ADGRV1: variants seen among roughly 807,000 people sequenced by gnomAD.
ADGRV1 encodes G-protein coupled receptor 98.
In ADGRV1, 359 loss-of-function variants were observed where a neutral mutation model predicts 596.2. That is an observed-to-expected ratio of 0.60 (90% CI 0.55 to 0.66). The LOEUF (loss-of-function observed/expected upper bound fraction) is 0.66. Among genes scored for constraint, ADGRV1 ranks in the 30% least tolerant of loss-of-function variants. ADGRV1 has a pLI of 0.00. For missense variants in ADGRV1, 7,274 were observed against 7,575.6 expected, an observed-to-expected ratio of 0.96 and a Z score of 1.48; for synonymous variants, 2,681 against 2,679.2, an observed-to-expected ratio of 1.00 and a Z score of -0.02.
chr5:90,592,748 C>G (rs542923031), intron 1 of ADGRV1, among the ~76,000 whole-genome samples: 1 of 152,172 alleles, frequency 6.6e-6, no homozygotes, highest in Non-Finnish European at 1.5e-5. Flanking sequence ...AACAAATTCA[C>G]AAGGAAAAAA....
intron 86 of ADGRV1, among the ~76,000 whole-genome samples, chr5:91,080,110 A>C (rs1789211770): frequency 6.6e-6 from 1 of 152,184 alleles, no homozygotes; most frequent in Admixed American, 6.5e-5. Flanking sequence ...ATTTTGTAAC[A>C]TACATAGAAT....
rs765198794 is a variant in ADGRV1, at chr5:91,163,829, G to A, written c.18850G>A (p.Glu6284Lys). 1.2e-6 allele frequency: 2 copies of A among 1,606,726 alleles called. No homozygotes were observed. The highest frequency in any genetic ancestry group is 1.7e-6 in the Non-Finnish European group (2 of 1,175,168). ...SDNESGQGSQ[E>K]GGTLTDSQIV... ...TAATGAATCTGGTCAAGGCAGCCAG[G>A]AGGGGGGCACCTTGACTGACTCCCA... Residue 6284 changes from glutamate to lysine, a missense_variant, in exon 90 of 90, where the codon GAG becomes AAG. Transcript: ENST00000405460.
At chr5:90,963,657 T>C (rs539525429) in intron 83 of ADGRV1, among the ~76,000 whole-genome samples, 1 of 152,064 alleles carries the variant, frequency 6.6e-6, no homozygotes, top group African/African-American at 2.4e-5. Flanking sequence ...AAAATTGTTC[T>C]GGAGTCTTGG....
chr5:90,820,191 G>A (rs1382965104), intron 75 of ADGRV1, among the ~76,000 whole-genome samples: 6 of 148,300 alleles, frequency 4.0e-5, no homozygotes, highest in African/African-American at 1.5e-4. Context: ...TGTCTCTTTT[G>A]ATCTTTGTTG....
chr5:90,572,815 TA>T (rs1311282676), intron 1 of ADGRV1, among the ~76,000 whole-genome samples: 1 of 151,914 alleles, frequency 6.6e-6, no homozygotes. Context: ...GAGGAGAAAA[TA>T]AAGTAATTGG....
At chr5:91,082,119 T>C (rs1314159165) in intron 86 of ADGRV1, among the ~76,000 whole-genome samples, 1 of 152,234 alleles carries the variant, frequency 6.6e-6, no homozygotes, top group African/African-American at 2.4e-5. Flanking sequence ...TGTTGTTGTT[T>C]AGGTGTGTTG....
intron 87 of ADGRV1, among the ~76,000 whole-genome samples, chr5:91,117,463 G>A (rs1304704886): frequency 8.5e-5 from 13 of 152,094 alleles, no homozygotes; most frequent in South Asian, 4.2e-4. Context: ...AAATCTTTGC[G>A]ACAACCTGAA....
At chr5:91,018,277 C>A (rs963538157) in intron 85 of ADGRV1, among the ~76,000 whole-genome samples, 4 of 151,930 alleles carry the variant, frequency 2.6e-5, no homozygotes, top group Non-Finnish European at 4.4e-5. Flanking sequence ...GTGGAGTTAA[C>A]TGAAGCTCCA....
chr5:90,635,374 A>T (rs529823345), intron 10 of ADGRV1, 84 bp downstream of exon 10: 26 of 1,240,146 alleles, frequency 2.1e-5, no homozygotes, highest in Non-Finnish European at 2.8e-5. Flanking sequence ...ATCAGCATAT[A>T]GGGTTAACAT....
chr5:90,683,730 C>A lies in ADGRV1; in HGVS notation c.5809C>A (p.Pro1937Thr), dbSNP rs576449067. 4.3e-6 allele frequency: 7 copies of A among 1,613,806 alleles called. No homozygotes were observed. The change falls in exon 28 of 90, where the codon CCT becomes ACT. Residue 1937 changes from proline to threonine, a missense_variant. Around this residue, in one of 5 missense-constraint regions of ADGRV1, gnomAD observed 3,643 missense variants for 3,809.2 expected, o/e 0.96. Coordinates refer to ENST00000405460, the MANE Select transcript of ADGRV1 (RefSeq NM_032119.4). ...CGCCAATATCACTGTGGAGATATTG[C>A]CTGACGAAGACCCAGAACTGGATAA... ...TSANITVEIL[P>T]DEDPELDKAF...
At chr5:91,065,562 T>C (rs1562168261) in intron 85 of ADGRV1, among the ~76,000 whole-genome samples, 1 of 152,172 alleles carries the variant, frequency 6.6e-6, no homozygotes, top group Non-Finnish European at 1.5e-5. Flanking sequence ...TTTTAGTGGT[T>C]GTAAGCGGAG....
intron 21 of ADGRV1, among the ~76,000 whole-genome samples, chr5:90,669,724 TTGTTTGAGGTATG>T (rs35759038): frequency 0.032 from 4,829 of 152,172 alleles, 244 homozygotes; most frequent in African/African-American, 0.11. Context: ...TAGCTGGTAG[TTGTTTGAGGTATG>T]TGTTTGAGGT....
At chr5:90,966,153 C>T (rs886838123) in intron 84 of ADGRV1, among the ~76,000 whole-genome samples, 2 of 152,014 alleles carry the variant, frequency 1.3e-5, no homozygotes, top group African/African-American at 4.8e-5. Context: ...ACAGAAATTA[C>T]GATCACTGAA....
At chr5:90,681,991 C>T (rs1174259048) in intron 27 of ADGRV1, among the ~76,000 whole-genome samples, 1 of 151,996 alleles carries the variant, frequency 6.6e-6, no homozygotes, top group Admixed American at 6.6e-5. Context: ...TTCAGCCTTC[C>T]AAGTAGCTGG....
Position 90,823,516 on chromosome 5 carries a change from C to T in ADGRV1, c.16288C>T (p.Leu5430Phe), listed in dbSNP as rs779294256. 1 of 1,613,920 alleles carries T rather than the reference C, an allele frequency of 6.2e-7. No homozygotes were observed. Among genetic ancestry groups the T allele is most frequent in the South Asian group, 1.1e-5 (1 of 91,088 alleles). The change falls in exon 76 of 90, where the codon CTT becomes TTT. Residue 5430 changes from leucine (L) to phenylalanine (F), a missense_variant. Physicochemically the swap from Leu to Phe is conservative, Grantham distance 22. Transcript: ENST00000405460. ...QKDGVNLVEE[L>F]QSVSGTTTCT... ...GGATGGGGTAAACCTGGTGGAGGAA[C>T]TTCAGTCTGTGTCAGGGACCACAAC...
intron 85 of ADGRV1, among the ~76,000 whole-genome samples, chr5:90,989,357 C>T (rs1780775744): frequency 6.6e-6 from 1 of 152,088 alleles, no homozygotes; most frequent in Non-Finnish European, 1.5e-5. Context: ...ATGAAATGTC[C>T]ACTATCCACC....
At chr5:90,909,103 CT>C (rs1772601230) in intron 83 of ADGRV1, among the ~76,000 whole-genome samples, 1 of 152,094 alleles carries the variant, frequency 6.6e-6, no homozygotes, top group South Asian at 2.1e-4. Context: ...TGTTCTTTGC[CT>C]GCTGCGTTGT....
chr5:91,151,450 CT>C (rs776343932), intron 88 of ADGRV1, among the ~76,000 whole-genome samples: 1 of 152,076 alleles, frequency 6.6e-6, no homozygotes, highest in African/African-American at 2.4e-5. Context: ...CAAGTACAGT[CT>C]TTAAAAATCA....
intron 74 of ADGRV1, among the ~76,000 whole-genome samples, chr5:90,812,774 T>A (rs1313694089): frequency 6.6e-6 from 1 of 152,156 alleles, no homozygotes; most frequent in East Asian, 1.9e-4. Flanking sequence ...TCTTATTCTA[T>A]TCTACAAGTT....
Sources: gnomAD v4.1 joint callset for allele counts (sites outside exome capture counted in the v4.1 genomes callset) on GRCh38, gnomAD v4.1.1 for gene constraint, gnomAD v4.1.1 regional missense constraint, MANE v1.5 for transcripts, NCBI Gene and HGNC (gene_info 2026-07-23, HGNC 2026-07-21) for gene names.